Variants in CLYBL observed in about 807,000 individuals in gnomAD.
CLYBL encodes the protein citramalyl-CoA lyase, mitochondrial.
A neutral mutation model predicts 38.9 loss-of-function variants in CLYBL; 31 were observed. The ratio of observed to expected loss-of-function variants is 0.80; its 90% CI spans 0.60 to 1.08. The LOEUF is 1.08. Ranked by LOEUF, CLYBL falls within the 50% of genes least tolerant of loss-of-function variation. The pLI is 0.00. For missense variants in CLYBL, 434 were observed against 411.6 expected (o/e 1.05, Z -0.47); for synonymous variants, 171 against 158.6 (o/e 1.08, Z -0.59).
At chr13:99,742,070 A>G (rs968808741) in intron 1 of CLYBL, among the ~76,000 whole-genome samples, 1 of 152,212 alleles carries the variant, frequency 6.6e-6, no homozygotes, top group Admixed American at 6.5e-5. Context: ...TTCACTTGCA[A>G]TGAGACCCTG....
intron 1 of CLYBL, among the ~76,000 whole-genome samples, chr13:99,637,702 G>A (rs1326019198): frequency 1.3e-5 from 2 of 152,188 alleles, no homozygotes; most frequent in African/African-American, 4.8e-5. Flanking sequence ...AGGTTGCGGT[G>A]AGCTGAGATC....
chr13:99,619,160 G>A (rs188562345), intron 1 of CLYBL, among the ~76,000 whole-genome samples: 4 of 152,318 alleles, frequency 2.6e-5, no homozygotes, highest in African/African-American at 9.6e-5. Context: ...TCCCATTGTG[G>A]TGGTATTAAG....
At chr13:99,750,175 GCA>G (rs2048928412) in intron 1 of CLYBL, among the ~76,000 whole-genome samples, 1 of 151,946 alleles carries the variant, frequency 6.6e-6, no homozygotes, top group Non-Finnish European at 1.5e-5. Context: ...CAGTGACAGA[GCA>G]CAGTTATGCT....
At chr13:99,656,096 C>T (rs983599011) in intron 1 of CLYBL, among the ~76,000 whole-genome samples, 2 of 151,998 alleles carry the variant, frequency 1.3e-5, no homozygotes, top group Non-Finnish European at 2.9e-5. Context: ...TTGAGATTAT[C>T]ACTCTTCCTG....
At chr13:99,890,497 G>A (rs996112126) in intron 7 of CLYBL, among the ~76,000 whole-genome samples, 7 of 152,074 alleles carry the variant, frequency 4.6e-5, no homozygotes, top group Middle Eastern at 6.8e-3. Flanking sequence ...ATGGAGTCCC[G>A]CTCTGTCACT....
At chr13:99,791,546 T>C (rs1187537911) in intron 2 of CLYBL, among the ~76,000 whole-genome samples, 2 of 152,166 alleles carry the variant, frequency 1.3e-5, no homozygotes, top group East Asian at 3.9e-4. Context: ...TAACATTTTG[T>C]CCTAACAATG....
chr13:99,722,306 C>G (rs1271332244), intron 1 of CLYBL, among the ~76,000 whole-genome samples: 2 of 152,180 alleles, frequency 1.3e-5, no homozygotes, highest in African/African-American at 2.4e-5. Flanking sequence ...TGACAGCCCT[C>G]GGTGGATACA....
chr13:99,665,123 A>T (rs1264950407), intron 1 of CLYBL, among the ~76,000 whole-genome samples: 3 of 151,460 alleles, frequency 2.0e-5, no homozygotes, highest in Non-Finnish European at 2.9e-5. Context: ...TTTAAAAATA[A>T]TTTTTTCTCC....
chr13:99,750,762 A>G lies in CLYBL; in HGVS notation c.63-22062A>G, dbSNP rs115319819. On this transcript the variant is annotated intron_variant, in intron 1 of 8. Transcript: ENST00000339105. The stretch of plus-strand genomic sequence containing the variant: ...AAAAAAAAATCTTATGTTTAAGAAC[A>G]TATAAGAACTTACTTAAATTTATTA... Among the ~76,000 whole-genome samples the G allele has an allele frequency of 7.7e-3, 1,177 of 152,154 alleles. 10 individuals carry two copies. The highest frequency in any genetic ancestry group is 0.027 in the African/African-American group (1,114 of 41,522).
At chr13:99,668,852 A>G (rs529320284) in intron 1 of CLYBL, among the ~76,000 whole-genome samples, 10 of 152,250 alleles carry the variant, frequency 6.6e-5, no homozygotes, top group African/African-American at 2.4e-4. Context: ...AGGCCGTGAT[A>G]TGATTGAATC....
intron 1 of CLYBL, among the ~76,000 whole-genome samples, chr13:99,647,053 C>T (rs2047187349): frequency 6.6e-6 from 1 of 152,162 alleles, no homozygotes; most frequent in Non-Finnish European, 1.5e-5. Context: ...TTGTCACTGC[C>T]AAGCTGTGCA....
intron 2 of CLYBL, among the ~76,000 whole-genome samples, chr13:99,778,919 A>T (rs2049579946): frequency 6.6e-6 from 1 of 152,222 alleles, no homozygotes. Flanking sequence ...TTAAGTATTT[A>T]AGTATTTAAA....
At chr13:99,909,263 G>A (rs1241639170) in exon 10 of CLYBL, among the ~76,000 whole-genome samples, 1 of 152,136 alleles carries the variant, frequency 6.6e-6, no homozygotes, top group African/African-American at 2.4e-5. Context: ...GTGTTACCTT[G>A]GACATGTTAC....
At chr13:99,788,737 T>C (rs368316174) in intron 2 of CLYBL, among the ~76,000 whole-genome samples, 6 of 152,134 alleles carry the variant, frequency 3.9e-5, no homozygotes, top group Admixed American at 6.6e-5. Flanking sequence ...GGGAGGATTC[T>C]CTCTTTTTCT....
At chr13:99,667,795 C>G (rs893008670) in intron 1 of CLYBL, among the ~76,000 whole-genome samples, 4 of 152,172 alleles carry the variant, frequency 2.6e-5, no homozygotes, top group Non-Finnish European at 5.9e-5. Flanking sequence ...CTGATTCCCT[C>G]TAAAAACAAA....
chr13:99,611,037 G>A (rs2046618489), intron 1 of CLYBL, among the ~76,000 whole-genome samples: 1 of 152,194 alleles, frequency 6.6e-6, no homozygotes, highest in African/African-American at 2.4e-5. Flanking sequence ...TTCCAGAAAT[G>A]GGGCTTTCCC....
chr13:99,880,050 GTA>G (rs4001018), intron 7 of CLYBL, among the ~76,000 whole-genome samples: 4,246 of 97,542 alleles, frequency 0.044, 122 homozygotes, highest in Middle Eastern at 0.12. Flanking sequence ...ATGTGTGTAT[GTA>G]TATATATATA....
downstream of CLYBL, among the ~76,000 whole-genome samples, chr13:99,900,282 C>G (rs1376277761): frequency 2.0e-5 from 3 of 152,136 alleles, no homozygotes; most frequent in Non-Finnish European, 4.4e-5. Flanking sequence ...AAAACGTGTT[C>G]AAATTCTGGG....
rs1416608955 is a variant in CLYBL at position 99,770,612 on chromosome 13, C to T, written c.63-2212C>T. On this transcript the variant is annotated intron_variant, in intron 1 of 8. Coordinates refer to ENST00000339105, the MANE Select transcript of CLYBL (RefSeq NM_206808.5). Reference sequence around the variant, plus strand: ...GATTACAGGCGTGAGCCACCGCGCCCGGTCTGGTCTCAAACTCTCTACCTC... The same window carrying T: ...GATTACAGGCGTGAGCCACCGCGCCTGGTCTGGTCTCAAACTCTCTACCTC... Among the ~76,000 whole-genome samples, 5 of 149,982 alleles carry T rather than the reference C, an allele frequency of 3.3e-5. No individual in the cohort carries two copies. The East Asian group carries it at 6.2e-4, about 18-fold the overall frequency.
Sources: gnomAD v4.1 joint callset for allele counts (sites outside exome capture counted in the v4.1 genomes callset) on GRCh38, gnomAD v4.1.1 for gene constraint, MANE v1.5 for transcripts, NCBI Gene and HGNC (gene_info 2026-07-23, HGNC 2026-07-21) for gene names.